Variants in HHEX observed in about 807,000 individuals in gnomAD.
HHEX encodes the protein hematopoietically expressed homeobox, also known as hematopoietically-expressed homeobox protein HHEX.
A neutral mutation model predicts 27.0 loss-of-function variants in HHEX; 8 were observed. That is an observed-to-expected ratio of 0.30 (90% confidence interval 0.17 to 0.54). The LOEUF (loss-of-function observed/expected upper bound fraction) is 0.54. Among genes scored for constraint, HHEX ranks in the 20% least tolerant of loss-of-function variants. HHEX has a pLI of 0.95. For missense variants in HHEX, 326 were observed against 357.2 expected (o/e 0.91, Z 0.70); for synonymous variants, 164 against 161.5 (o/e 1.02, Z -0.12).
At position 92,695,019 on chromosome 10, in the gene HHEX, T is replaced by A; in HGVS notation, c.*251T>A. 2.9e-6 allele frequency: 1 copy of A among 350,874 alleles called. No individual in the cohort carries two copies. Among genetic ancestry groups the A allele is most frequent in the Non-Finnish European group, 5.1e-6 (1 of 194,332 alleles). 21.7% of individuals were successfully genotyped at this position (350,874 alleles called of 1,614,324 possible). Reference sequence around the variant, plus strand: ...AAGTGACATTATAGTGATTAAATTCTTCCCCCTTTAAAAAAACAGTTAGTG... The same window carrying A: ...AAGTGACATTATAGTGATTAAATTCATCCCCCTTTAAAAAAACAGTTAGTG... On this transcript the variant is annotated 3_prime_UTR_variant, in exon 4 of 4. Transcript: ENST00000282728.
Position 92,690,176 on chromosome 10 carries a change from C to G in HHEX, c.190C>G (p.Pro64Ala). 1 of 1,565,574 alleles carries G rather than the reference C, an allele frequency of 6.4e-7. No homozygotes were observed. The highest frequency in any genetic ancestry group is 1.2e-5 in the South Asian group (1 of 85,204). ...CTCCTCCTTCACCAGCCTCGTGTCC[C>G]CCTACCGGACCCCGGTGTACGAGCC... ...PNSSFTSLVSPYRTPVYEPTP... is the reference protein window; with the variant it reads ...PNSSFTSLVSAYRTPVYEPTP... Residue 64 changes from proline (P) to alanine (A), a missense_variant, in exon 1 of 4, where the codon CCC becomes GCC. Coordinates refer to ENST00000282728, the MANE Select transcript of HHEX (RefSeq NM_002729.5).
At chr10:92,693,286 T>C (rs1845375322) in intron 3 of HHEX, among the ~76,000 whole-genome samples, 1 of 152,240 alleles carries the variant, frequency 6.6e-6, no homozygotes, top group African/African-American at 2.4e-5. Context: ...TAAGAAAATA[T>C]TCAAGCCTGT....
Position 92,694,594 on chromosome 10 carries a change from T to G in HHEX, c.639T>G (p.Ser213Arg). Residue 213 changes from serine (S) to arginine (R), a missense_variant, in exon 4 of 4, where the codon AGT becomes AGG. Physicochemically the swap from Ser to Arg is moderately radical, Grantham distance 110 (BLOSUM62 -1). Coordinates refer to ENST00000282728, the MANE Select transcript of HHEX (RefSeq NM_002729.5). Reference sequence around the variant, plus strand: ...AAGAAGAACTGGAAAGTTTGGACAGTTCCTGTGATCAGAGGCAAGATTTGC... The same window carrying G: ...AAGAAGAACTGGAAAGTTTGGACAGGTCCTGTGATCAGAGGCAAGATTTGC... ...NKKEELESLDSSCDQRQDLPS... is the reference protein window; with the variant it reads ...NKKEELESLDRSCDQRQDLPS... The G allele has an allele frequency of 6.2e-7, 1 of 1,614,196 alleles. No homozygotes were observed.
Position 92,690,001 on chromosome 10 carries a change from C to A in HHEX, c.15C>A (p.His5Gln). 1 of 1,467,918 alleles carries A rather than the reference C, an allele frequency of 6.8e-7. No homozygotes were observed. Among genetic ancestry groups the A allele is most frequent in the Non-Finnish European group, 9.0e-7 (1 of 1,116,460 alleles). The allele number at this position is 1,467,918 out of a possible 1,614,324, so 90.9% of individuals were successfully genotyped here. Reference protein sequence around the residue: MQYPHPGPAAGAVGV... With the variant: MQYPQPGPAAGAVGV... ...GCGGCGGAGCCATGCAGTACCCGCA[C>A]CCCGGGCCGGCGGCGGGCGCCGTGG... Residue 5 changes from histidine to glutamine, a missense_variant, in exon 1 of 4, where the codon CAC (histidine) becomes CAA (glutamine). By Grantham distance (24) the His-to-Gln change is conservative. Transcript: ENST00000282728.
chr10:92,690,760 A>C (rs1239124530), intron 1 of HHEX, among the ~76,000 whole-genome samples: 1 of 152,202 alleles, frequency 6.6e-6, no homozygotes, highest in Non-Finnish European at 1.5e-5. Flanking sequence ...GCAGTGAAAG[A>C]GCCTGACCCT....
intron 1 of HHEX, chr10:92,692,153 A>C (rs923970217): frequency 1.8e-6 from 1 of 546,446 alleles, no homozygotes; most frequent in Admixed American, 3.2e-5. Context: ...CTGTGTGTGT[A>C]CAAGGCTGTG....
intron 3 of HHEX, among the ~76,000 whole-genome samples, 189 bp from the exon 4 acceptor site, chr10:92,694,358 C>T (rs1253620833): frequency 6.6e-6 from 1 of 152,150 alleles, no homozygotes; most frequent in Non-Finnish European, 1.5e-5. Flanking sequence ...TTTGATATGA[C>T]AGAAACTTTT....
At chr10:92,692,267 G>A in intron 1 of HHEX, 101 bp from the exon 2 acceptor site, 1 of 1,202,486 alleles carries the variant, frequency 8.3e-7, no homozygotes, top group Non-Finnish European at 1.2e-6. Flanking sequence ...CTGGTTGGGT[G>A]GCCTCCTGGC....
chr10:92,690,076 G>A lies in HHEX; in HGVS notation c.90G>A (p.Thr30=). The A allele has an allele frequency of 6.5e-7, 1 of 1,545,890 alleles. No individual in the cohort carries two copies. Among genetic ancestry groups the A allele is most frequent in the Non-Finnish European group, 8.7e-7 (1 of 1,145,248 alleles). The change falls in exon 1 of 4, where the codon ACG becomes ACA. Residue 30 remains threonine (T), a synonymous_variant. Coordinates refer to ENST00000282728, the MANE Select transcript of HHEX (RefSeq NM_002729.5). ...CGCTGCTGCAACCCGCACACCCGAC[G>A]CCCTTTTACATCGAGGACATCCTGG... The part of the protein sequence containing the change: ...PTPLLQPAHP[T]PFYIEDILGR...
chr10:92,690,532 T>C (rs1845343216), intron 1 of HHEX, among the ~76,000 whole-genome samples, 185 bp downstream of exon 1: 1 of 151,702 alleles, frequency 6.6e-6, no homozygotes, highest in Non-Finnish European at 1.5e-5. Context: ...GTGACTCAGA[T>C]TGGTTTTCCT....
At chr10:92,691,346 C>T (rs1433346569) in intron 1 of HHEX, among the ~76,000 whole-genome samples, 1 of 152,148 alleles carries the variant, frequency 6.6e-6, no homozygotes, top group African/African-American at 2.4e-5. Flanking sequence ...AATAAGGAAA[C>T]GGGGCGCCTC....
chr10:92,691,555 T>A (rs1027833203), intron 1 of HHEX: 2 of 152,242 alleles, frequency 1.3e-5, no homozygotes, highest in Non-Finnish European at 2.9e-5. Flanking sequence ...TGTTATCCTG[T>A]CTGTCTGATT....
chr10:92,695,511 T>C lies in HHEX; in HGVS notation c.*743T>C, dbSNP rs1845397405. On this transcript the variant is annotated 3_prime_UTR_variant, in exon 4 of 4. Transcript: ENST00000282728. ...TAATTAAATGTAAGTAGATTGTAGATACTGTTTTATATCAAACAATGTTTA... is the reference window on the plus strand; with the variant it reads ...TAATTAAATGTAAGTAGATTGTAGACACTGTTTTATATCAAACAATGTTTA... 1 of 152,490 alleles carries C rather than the reference T, an allele frequency of 6.6e-6. No homozygotes were observed. The highest frequency in any genetic ancestry group is 2.4e-5 in the African/African-American group (1 of 41,446). 9.4% of individuals were successfully genotyped at this position (152,490 alleles called of 1,614,324 possible). A position where few individuals can be genotyped will look rare whatever the true frequency, so the allele number is the denominator to read the frequency against.
At position 92,692,706 on chromosome 10, in the gene HHEX, A is replaced by G; in HGVS notation, c.545A>G (p.Lys182Arg). 1 of 1,613,928 alleles carries G rather than the reference A, an allele frequency of 6.2e-7. No homozygotes were observed. The highest frequency in any genetic ancestry group is 8.5e-7 in the Non-Finnish European group (1 of 1,179,946). The part of the protein sequence containing the change: ...KMLQLSERQV[K>R]TWFQNRRAKW... ...TTCTTTCTCTCTTTCCTGTAGGTCA[A>G]AACCTGGTTTCAGAATCGACGCGCT... Residue 182 changes from lysine (K) to arginine (R), a missense_variant, in exon 3 of 4, where the codon AAA becomes AGA. Transcript: ENST00000282728.
rs1362860343 is a variant in HHEX at position 92,692,687 on chromosome 10, C to T, written c.541-15C>T. 3 of 1,613,376 alleles carry T rather than the reference C, an allele frequency of 1.9e-6. No homozygotes were observed. Among genetic ancestry groups the T allele is most frequent in the African/African-American group, 2.7e-5 (2 of 74,836 alleles). On this transcript the variant is annotated splice_polypyrimidine_tract_variant and intron_variant, in intron 2 of 3. Transcript: ENST00000282728. ...CGCGGGCTCGTTGCAAGTTTTCTTT[C>T]TCTCTTTCCTGTAGGTCAAAACCTG...
rs1409708103 is a variant in HHEX, at chr10:92,695,338, G to A, written c.*570G>A. 1 of 153,400 alleles carries A rather than the reference G, an allele frequency of 6.5e-6. No homozygotes were observed. The highest frequency in any genetic ancestry group is 2.4e-5 in the African/African-American group (1 of 41,442). 9.5% of individuals were successfully genotyped at this position (153,400 alleles called of 1,614,324 possible). ...AGAGATGTGTGTTCTTTTTGTCAGA[G>A]ATATGGTTGATGAGAATCTTAAATG... On this transcript the variant is annotated 3_prime_UTR_variant, in exon 4 of 4. Transcript: ENST00000282728.
rs1845392428 is a variant in HHEX, at chr10:92,695,271, A to C, written c.*503A>C. ...CTTTACTTTTATATGACATTCTTAT[A>C]CTGCTGTCTCAAATCCAAAAACATT... On this transcript the variant is annotated 3_prime_UTR_variant, in exon 4 of 4. Transcript: ENST00000282728. The C allele has an allele frequency of 6.5e-6, 1 of 154,222 alleles. No homozygotes were observed. Among genetic ancestry groups the C allele is most frequent in the Non-Finnish European group, 1.4e-5 (1 of 69,330 alleles). The allele number at this position is 154,222 out of a possible 1,614,324, so 9.6% of individuals were successfully genotyped here.
rs112926556 is a variant in HHEX at position 92,693,830 on chromosome 10, C to T, written c.592-717C>T. ...TCACTAGCTTATATACTTAATAGTTCTTGGTCAAAGGCTTGACTCTAGTTT... is the reference window on the plus strand; with the variant it reads ...TCACTAGCTTATATACTTAATAGTTTTTGGTCAAAGGCTTGACTCTAGTTT... On this transcript the variant is annotated intron_variant, in intron 3 of 3. Transcript: ENST00000282728. Among the ~76,000 whole-genome samples, 1,418 of 152,194 alleles carry T rather than the reference C, an allele frequency of 9.3e-3. 14 individuals are homozygous for T. The highest frequency in any genetic ancestry group is 0.019 in the Admixed American group (285 of 15,284).
intron 2 of HHEX, 38 bp from the exon 3 acceptor site, chr10:92,692,664 C>T: frequency 3.7e-6 from 6 of 1,610,700 alleles, no homozygotes; most frequent in Non-Finnish European, 5.1e-6. Context: ...CGTCCCGACG[C>T]GGGCTCGTTG....
Sources: allele counts gnomAD v4.1 joint callset (sites outside exome capture counted in the v4.1 genomes callset), GRCh38; gene constraint gnomAD v4.1.1; transcripts MANE v1.5; gene names NCBI Gene and HGNC (gene_info 2026-07-23, HGNC 2026-07-21).